The following CSMD1 variants were observed in gnomAD, a reference collection of about 807,000 sequenced individuals.
The protein encoded by CSMD1 is CUB and Sushi multiple domains 1, also known as CUB and sushi domain-containing protein 1.
CSMD1 carries 213 observed loss-of-function variants against 417.5 expected under a neutral mutation model. The ratio of observed to expected loss-of-function variants is 0.51; its 90% CI spans 0.46 to 0.57. CSMD1 has a LOEUF of 0.57. Among genes scored for constraint, CSMD1 ranks in the 20% least tolerant of loss-of-function variants. The probability of loss-of-function intolerance (pLI) is 0.00; values close to 1 mark genes in which losing one functional copy is unlikely to be tolerated. For synonymous variants in CSMD1, 2,862 were observed against 1,736.8 expected, an observed-to-expected ratio of 1.65 and a Z score of -16.11; for missense variants, 6,923 against 4,529.7, an observed-to-expected ratio of 1.53 and a Z score of -15.17.
chr8:3,506,298 T>G (rs1796824758), intron 10 of CSMD1, among the ~76,000 whole-genome samples: 1 of 152,194 alleles, frequency 6.6e-6, no homozygotes, highest in Non-Finnish European at 1.5e-5. Flanking sequence ...TGCCTCAGAT[T>G]CCTACTACCC....
intron 2 of CSMD1, among the ~76,000 whole-genome samples, chr8:4,579,915 C>G (rs2130692451): frequency 6.6e-6 from 1 of 152,284 alleles, no homozygotes; most frequent in South Asian, 2.1e-4. Flanking sequence ...AAGTCTTTAA[C>G]TCCAGATGCA....
intron 5 of CSMD1, among the ~76,000 whole-genome samples, chr8:3,940,033 A>C (rs1810769463): frequency 6.6e-6 from 1 of 152,184 alleles, no homozygotes; most frequent in East Asian, 1.9e-4. Context: ...TCCATGTTTT[A>C]AACAGAAATA....
intron 1 of CSMD1, among the ~76,000 whole-genome samples, chr8:4,765,447 T>C (rs1812401722): frequency 1.3e-5 from 2 of 152,202 alleles, no homozygotes; most frequent in African/African-American, 4.8e-5. Context: ...CAAAGCGTAA[T>C]TCAATTAAAT....
intron 5 of CSMD1, among the ~76,000 whole-genome samples, chr8:3,899,121 C>T (rs191275157): frequency 3.3e-5 from 5 of 152,210 alleles, no homozygotes; most frequent in Admixed American, 2.0e-4. Flanking sequence ...TACTGACTGG[C>T]GCCATGTTAG....
At chr8:3,286,503 G>T (rs892409148) in intron 25 of CSMD1, among the ~76,000 whole-genome samples, 11 of 151,840 alleles carry the variant, frequency 7.2e-5, no homozygotes, top group African/African-American at 2.4e-4. Context: ...TTCCTGACTT[G>T]TTAATGATCG....
intron 1 of CSMD1, among the ~76,000 whole-genome samples, chr8:4,820,094 C>T (rs1426368214): frequency 6.6e-6 from 1 of 152,094 alleles, no homozygotes; most frequent in Admixed American, 6.6e-5. Context: ...CCAAGAAAGC[C>T]ACCTAAGGCA....
At chr8:3,751,313 T>C (rs924578642) in intron 6 of CSMD1, among the ~76,000 whole-genome samples, 1 of 146,120 alleles carries the variant, frequency 6.8e-6, no homozygotes, top group Non-Finnish European at 1.5e-5. Context: ...TGTGTGTGTG[T>C]GTGTGTGTGT....
intron 26 of CSMD1, among the ~76,000 whole-genome samples, chr8:3,257,445 C>T (rs1362133161): frequency 6.6e-6 from 1 of 152,128 alleles, no homozygotes; most frequent in Non-Finnish European, 1.5e-5. Flanking sequence ...GAGGAGATAA[C>T]AATACAAAAT....
intron 3 of CSMD1, among the ~76,000 whole-genome samples, chr8:4,180,875 A>C (rs571961852): frequency 6.6e-6 from 1 of 152,292 alleles, no homozygotes; most frequent in East Asian, 1.9e-4. Context: ...TAAATTCTGA[A>C]CTTGTAATTA....
intron 5 of CSMD1, among the ~76,000 whole-genome samples, chr8:3,761,438 G>T (rs10441642): frequency 0.2 from 29,702 of 150,348 alleles, 3,369 homozygotes; most frequent in South Asian, 0.29. Context: ...AAACCCATAT[G>T]GTATATTTAA....
chr8:3,478,907 C>G (rs1182303698), intron 11 of CSMD1, among the ~76,000 whole-genome samples: 1 of 152,158 alleles, frequency 6.6e-6, no homozygotes, highest in African/African-American at 2.4e-5. Flanking sequence ...GACTGAGTCT[C>G]TTCCCCACCC....
At chr8:4,118,068 C>A (rs1269799733) in intron 3 of CSMD1, among the ~76,000 whole-genome samples, 2 of 151,598 alleles carry the variant, frequency 1.3e-5, no homozygotes, top group South Asian at 4.2e-4. Flanking sequence ...GGTGTAACAT[C>A]GGCCATATGA....
intron 3 of CSMD1, among the ~76,000 whole-genome samples, chr8:4,047,780 G>C (rs560156011): frequency 1.2e-4 from 18 of 151,986 alleles, no homozygotes; most frequent in African/African-American, 3.9e-4. Flanking sequence ...AATAGGTAGA[G>C]AATGCAATTT....
chr8:4,945,558 T>G (rs1339294587), intron 1 of CSMD1, among the ~76,000 whole-genome samples: 1 of 151,888 alleles, frequency 6.6e-6, no homozygotes, highest in Non-Finnish European at 1.5e-5. Flanking sequence ...TAAAAATGCT[T>G]TAAAAAATAA....
At chr8:4,762,425 A>T (rs1292447878) in intron 1 of CSMD1, among the ~76,000 whole-genome samples, 1 of 152,160 alleles carries the variant, frequency 6.6e-6, no homozygotes, top group African/African-American at 2.4e-5. Flanking sequence ...TTTTCATGCT[A>T]TATCAAACGT....
chr8:4,470,242 C>G (rs1478402491), intron 2 of CSMD1, among the ~76,000 whole-genome samples: 3 of 152,044 alleles, frequency 2.0e-5, no homozygotes, highest in East Asian at 3.9e-4. Context: ...CCTGCCAGGT[C>G]CATTTCCCAT....
intron 5 of CSMD1, among the ~76,000 whole-genome samples, chr8:3,885,929 T>G (rs537172238): frequency 6.6e-6 from 1 of 152,092 alleles, no homozygotes; most frequent in Non-Finnish European, 1.5e-5. Context: ...AAATATAAAT[T>G]GTTAAAAGTT....
At chr8:3,093,037 C>A (rs1263783192) in intron 47 of CSMD1, among the ~76,000 whole-genome samples, 1 of 152,170 alleles carries the variant, frequency 6.6e-6, no homozygotes, top group African/African-American at 2.4e-5. Context: ...GAGCAGTTCT[C>A]ATGATTTTTT....
chr8:4,818,379 G>A (rs1585152085), intron 1 of CSMD1, among the ~76,000 whole-genome samples: 1 of 152,100 alleles, frequency 6.6e-6, no homozygotes, highest in Admixed American at 6.6e-5. Flanking sequence ...TAAGTGCCAT[G>A]GAAAGCTCCC....
Sources: allele counts gnomAD v4.1 joint callset (sites outside exome capture counted in the v4.1 genomes callset), GRCh38; gene constraint gnomAD v4.1.1; transcripts MANE v1.5; gene names NCBI Gene and HGNC (gene_info 2026-07-23, HGNC 2026-07-21).